Variants in AGO4 observed in about 807,000 individuals in gnomAD.
AGO4 encodes protein argonaute-4.
AGO4 carries 33 observed loss-of-function variants against 104.7 expected under a neutral mutation model. That is an observed-to-expected ratio of 0.32 (90% CI 0.24 to 0.42). The LOEUF is 0.42. AGO4 is among the 10% of genes least tolerant of loss of function. AGO4 has a pLI of 1.00. For missense variants in AGO4, 711 were observed against 1,083.4 expected, an observed-to-expected ratio of 0.66 and a Z score of 4.83; for synonymous variants, 331 against 364.7, an observed-to-expected ratio of 0.91 and a Z score of 1.05.
At chr1:35,809,726 A>G (rs771074914) in intron 1 of AGO4, among the ~76,000 whole-genome samples, 7 of 152,144 alleles carry the variant, frequency 4.6e-5, no homozygotes, top group Non-Finnish European at 1.0e-4. Flanking sequence ...TAGTTGTATG[A>G]CCCTGGGAAA....
intron 1 of AGO4, among the ~76,000 whole-genome samples, chr1:35,810,934 C>A (rs1020309801): frequency 6.6e-6 from 1 of 151,764 alleles, no homozygotes. Context: ...GAGTTCGAGA[C>A]CAGCCTGGCC....
intron 1 of AGO4, among the ~76,000 whole-genome samples, chr1:35,816,153 A>G (rs1169844396): frequency 6.6e-6 from 1 of 152,238 alleles, no homozygotes; most frequent in East Asian, 1.9e-4. Context: ...TGTACAATTT[A>G]TAATGATGCA....
intron 1 of AGO4, among the ~76,000 whole-genome samples, chr1:35,810,588 C>T (rs1643468413): frequency 6.6e-6 from 1 of 152,054 alleles, no homozygotes; most frequent in Non-Finnish European, 1.5e-5. Context: ...CTCATTTGAT[C>T]CTCTGGGAGG....
At chr1:35,825,052 G>T (rs1308123917) in intron 3 of AGO4, among the ~76,000 whole-genome samples, 1 of 152,004 alleles carries the variant, frequency 6.6e-6, no homozygotes, top group African/African-American at 2.4e-5. Flanking sequence ...TTGTCTTTTT[G>T]TATCTGGCTT....
rs111531043 is a variant in AGO4 at position 35,832,418 on chromosome 1, CT to C, written c.1246-6del. ...TTTGTTTCTTCTTCTTCTTCTTCTT[CT>C]TTTTTTTTTTTTCAAAGAATAAAAC... On this transcript the variant is annotated intron_variant, in intron 10 of 17. Transcript: ENST00000373210. 92,910 of 933,100 alleles carry C rather than the reference CT, an allele frequency of 0.1. 2 individuals carry two copies. The highest frequency in any genetic ancestry group is 0.13 in the South Asian group (7,025 of 52,822). 57.8% of individuals were successfully genotyped at this position (933,100 alleles called of 1,614,324 possible).
chr1:35,810,502 A>G (rs757313925), intron 1 of AGO4, among the ~76,000 whole-genome samples: 5 of 152,168 alleles, frequency 3.3e-5, no homozygotes, highest in Non-Finnish European at 7.3e-5. Flanking sequence ...AATATAATTA[A>G]TTAGATTTCC....
intron 15 of AGO4, among the ~76,000 whole-genome samples, chr1:35,843,221 A>G (rs1470831222): frequency 6.6e-6 from 1 of 152,012 alleles, no homozygotes; most frequent in Admixed American, 6.6e-5. Context: ...GCCCACCACC[A>G]TGCCCAGCTA....
At position 35,832,003 on chromosome 1, in the gene AGO4, C is replaced by T. The variant is rs1644197293; in HGVS notation, c.1117-54C>T. The T allele has an allele frequency of 1.9e-6, 3 of 1,605,636 alleles. No homozygotes were observed. The Admixed American group carries it at 5.2e-5, about 28-fold the overall frequency. ...AAAACAAAAGAATAGAAAACTCCTCCTGGGACACAGTTACTCTCTGGTTTT... is the reference window on the plus strand; with the variant it reads ...AAAACAAAAGAATAGAAAACTCCTCTTGGGACACAGTTACTCTCTGGTTTT... On this transcript the variant is annotated intron_variant, in intron 9 of 17. Coordinates refer to ENST00000373210, the MANE Select transcript of AGO4 (RefSeq NM_017629.4).
chr1:35,826,566 A>G (rs1223039191), intron 6 of AGO4, among the ~76,000 whole-genome samples, 182 bp from the exon 7 acceptor site: 1 of 152,214 alleles, frequency 6.6e-6, no homozygotes, highest in Non-Finnish European at 1.5e-5. Flanking sequence ...CATCTTAGGT[A>G]ATCTGAGTTC....
At chr1:35,847,116 T>C (rs575582591) in intron 15 of AGO4, among the ~76,000 whole-genome samples, 1 of 151,990 alleles carries the variant, frequency 6.6e-6, no homozygotes, top group Admixed American at 6.5e-5. Flanking sequence ...TTGGACCACA[T>C]TGGAAGAAGA....
intron 7 of AGO4, among the ~76,000 whole-genome samples, chr1:35,828,920 A>G (rs1644105359): frequency 6.6e-6 from 1 of 152,200 alleles, no homozygotes; most frequent in African/African-American, 2.4e-5. Flanking sequence ...TCTTGTAATC[A>G]AGATCATGTC....
intron 2 of AGO4, among the ~76,000 whole-genome samples, chr1:35,818,067 T>C (rs573155294): frequency 4.3e-4 from 65 of 152,164 alleles, no homozygotes; most frequent in African/African-American, 1.5e-3. Flanking sequence ...TATTAGTTGG[T>C]AATAAATGCA....
At chr1:35,844,647 C>G (rs1644525445) in intron 15 of AGO4, among the ~76,000 whole-genome samples, 1 of 152,170 alleles carries the variant, frequency 6.6e-6, no homozygotes, top group African/African-American at 2.4e-5. Context: ...TCCACCTATG[C>G]TTTCCTGCCC....
chr1:35,808,534 G>A lies in AGO4; in HGVS notation c.19+99G>A. Reference sequence around the variant, plus strand: ...CCCGTCGCCTCGCCGGGTTCGGGCCGCCAGGCCTCGGGGAAGGGGACCCGA... The same window carrying A: ...CCCGTCGCCTCGCCGGGTTCGGGCCACCAGGCCTCGGGGAAGGGGACCCGA... On this transcript the variant is annotated intron_variant, in intron 1 of 17. Coordinates refer to ENST00000373210, the MANE Select transcript of AGO4 (RefSeq NM_017629.4). This position sits in a 1 kb window ranked among gnomAD's most constrained non-coding sequence, Gnocchi z 5.2. The A allele has an allele frequency of 9.3e-7, 1 of 1,073,036 alleles. No individual in the cohort carries two copies. Among genetic ancestry groups the A allele is most frequent in the African/African-American group, 1.7e-5 (1 of 59,770 alleles). 66.5% of individuals were successfully genotyped at this position (1,073,036 alleles called of 1,614,324 possible).
chr1:35,840,916 A>G (rs188269994), intron 13 of AGO4, among the ~76,000 whole-genome samples: 1 of 152,018 alleles, frequency 6.6e-6, no homozygotes, highest in South Asian at 2.1e-4. Context: ...TGCCCAGCCT[A>G]GGTCCTGTTT....
At chr1:35,811,845 G>A (rs537810132) in intron 1 of AGO4, among the ~76,000 whole-genome samples, 3 of 151,822 alleles carry the variant, frequency 2.0e-5, no homozygotes, top group African/African-American at 4.8e-5. Flanking sequence ...TGATCCACCC[G>A]CCCCGGCCTC....
rs1002353752 is a variant in AGO4 at position 35,822,875 on chromosome 1, A to G, written c.199A>G (p.Thr67Ala). 5 of 1,614,116 alleles carry G rather than the reference A, an allele frequency of 3.1e-6. No homozygotes were observed. Among genetic ancestry groups the G allele is most frequent in the Non-Finnish European group, 4.2e-6 (5 of 1,179,968 alleles). Residue 67 changes from threonine (T) to alanine (A), a missense_variant, in exon 3 of 18, where the codon ACA (threonine) becomes GCA (alanine). Around this residue, in one of 3 missense-constraint regions of AGO4, gnomAD observed 308 missense variants for 397.8 expected, o/e 0.77. Coordinates refer to ENST00000373210, the MANE Select transcript of AGO4 (RefSeq NM_017629.4). ...ATTACTGTGAAGGGAGGTAGTAGAT[A>G]CAATGGTGCGGCACTTCAAGATGCA... ...PRRVNREVVD[T>A]MVRHFKMQIF...
intron 1 of AGO4, among the ~76,000 whole-genome samples, chr1:35,813,177 A>G (rs543196214): frequency 8.2e-4 from 125 of 152,194 alleles, no homozygotes; most frequent in Non-Finnish European, 1.6e-3. Flanking sequence ...TGGGAGGCCA[A>G]GGCAGGCAGA....
Position 35,855,832 on chromosome 1 carries a change from A to T in AGO4, c.*2227A>T, listed in dbSNP as rs1644805574. On this transcript the variant is annotated 3_prime_UTR_variant, in exon 18 of 18. Coordinates refer to ENST00000373210, the MANE Select transcript of AGO4 (RefSeq NM_017629.4). ...AGGAAAAAACGGAAGCTTTTTTAGGAGAAGGAGGACTTGCTGGAATCCAAG... is the reference window on the plus strand; with the variant it reads ...AGGAAAAAACGGAAGCTTTTTTAGGTGAAGGAGGACTTGCTGGAATCCAAG... The T allele has an allele frequency of 6.6e-6, 1 of 152,194 alleles. No homozygotes were observed. The highest frequency in any genetic ancestry group is 1.5e-5 in the Non-Finnish European group (1 of 68,062). 9.4% of individuals were successfully genotyped at this position (152,194 alleles called of 1,614,324 possible).
Sources: allele counts gnomAD v4.1 joint callset (sites outside exome capture counted in the v4.1 genomes callset), GRCh38; gene constraint gnomAD v4.1.1; regional missense constraint gnomAD v4.1.1; non-coding constraint Gnocchi (gnomAD v3.1); transcripts MANE v1.5; gene names NCBI Gene and HGNC (gene_info 2026-07-23, HGNC 2026-07-21).